The following CWF19L1 variants were observed in gnomAD, a reference collection of about 807,000 sequenced individuals.
The protein encoded by CWF19L1 is CWF19-like protein 1.
CWF19L1 carries 60 observed loss-of-function variants against 69.7 expected under a neutral mutation model. That is an observed-to-expected ratio of 0.86 (90% CI 0.70 to 1.07). The LOEUF (loss-of-function observed/expected upper bound fraction) is 1.07, where lower values mean the gene tolerates loss of function less well. Among genes scored for constraint, CWF19L1 ranks in the 50% least tolerant of loss-of-function variants. CWF19L1 has a pLI of 0.00. For synonymous variants in CWF19L1, 209 were observed against 222.2 expected (o/e 0.94, Z 0.53); for missense variants, 591 against 638.9 (o/e 0.92, Z 0.81).
chr10:100,258,867 A>T (rs1273084320), intron 4 of CWF19L1, among the ~76,000 whole-genome samples: 1 of 150,994 alleles, frequency 6.6e-6, no homozygotes, highest in Non-Finnish European at 1.5e-5. Context: ...GAGAAATAAG[A>T]CCAACAAGGA....
rs748553229 is a variant in CWF19L1, at chr10:100,238,190, A to T, written c.1086T>A (p.His362Gln). ...ALAKGGLSDD[H>Q]VLILPIGHYQ... ...AGTGTCCAATAGGCAGGATGAGGAC[A>T]TGGTCATCAGATAAGCCTCCTTTGG... Residue 362 changes from histidine to glutamine, a missense_variant, in exon 11 of 14, where the codon CAT becomes CAA. His to Gln is a conservative substitution (Grantham distance 24, BLOSUM62 0). Around this residue, in one of 3 missense-constraint regions of CWF19L1, gnomAD observed 458 missense variants for 489.3 expected, o/e 0.94. Coordinates refer to ENST00000354105, the MANE Select transcript of CWF19L1 (RefSeq NM_018294.6). 2 of 1,614,086 alleles carry T rather than the reference A, an allele frequency of 1.2e-6. No individual in the cohort carries two copies. The highest frequency in any genetic ancestry group is 2.7e-5 in the African/African-American group (2 of 74,932).
At chr10:100,260,938 A>G (rs767964323) in intron 3 of CWF19L1, 28 bp downstream of exon 3, 2 of 1,400,378 alleles carry the variant, frequency 1.4e-6, no homozygotes, top group Non-Finnish European at 9.9e-7. Flanking sequence ...ATTAGAAATC[A>G]TATGTTAAAT....
At chr10:100,242,351 A>C (rs34997499) in intron 10 of CWF19L1, among the ~76,000 whole-genome samples, 4,420 of 152,306 alleles carry the variant, frequency 0.029, 100 homozygotes, top group Non-Finnish European at 0.044. Flanking sequence ...GTTAGTGTGA[A>C]TCAGCTTCCA....
chr10:100,245,728 C>T, intron 9 of CWF19L1, 71 bp downstream of exon 9: 2 of 1,152,192 alleles, frequency 1.7e-6, no homozygotes, highest in Non-Finnish European at 2.6e-6. Context: ...CTTAGCAATG[C>T]TGCTTTCCAA....
chr10:100,260,845 T>A (rs1847376691), intron 3 of CWF19L1, 121 bp downstream of exon 3: 1 of 701,914 alleles, frequency 1.4e-6, no homozygotes, highest in Non-Finnish European at 2.4e-6. Flanking sequence ...AAAAGCAACT[T>A]AAATTCTTAA....
intron 1 of CWF19L1, among the ~76,000 whole-genome samples, chr10:100,265,131 A>C (rs1414822278): frequency 6.6e-6 from 1 of 152,006 alleles, no homozygotes; most frequent in Non-Finnish European, 1.5e-5. Context: ...AAAAAAAAAA[A>C]AGTTTAAAAG....
intron 10 of CWF19L1, among the ~76,000 whole-genome samples, chr10:100,239,964 C>T (rs193191065): frequency 3.3e-5 from 5 of 152,252 alleles, no homozygotes; most frequent in Admixed American, 1.3e-4. Context: ...CTATTTTTGT[C>T]AGAAGGTCAC....
At chr10:100,238,328 G>A (rs1268493401) in intron 10 of CWF19L1, 97 bp from the exon 11 acceptor site, 18 of 1,020,586 alleles carry the variant, frequency 1.8e-5, no homozygotes, top group Non-Finnish European at 2.2e-5. Context: ...GGGTGTAGGC[G>A]AAAAGTACTT....
chr10:100,238,460 G>T (rs963217792), intron 10 of CWF19L1, among the ~76,000 whole-genome samples: 1 of 152,230 alleles, frequency 6.6e-6, no homozygotes, highest in Admixed American at 6.5e-5. Flanking sequence ...AGTAGCAAAT[G>T]AACTAGGAGC....
At chr10:100,234,115 G>A (rs1846357157) in intron 13 of CWF19L1, 1 of 151,972 alleles carries the variant, frequency 6.6e-6, no homozygotes, top group African/African-American at 2.4e-5. Flanking sequence ...TGATATATTA[G>A]AAATAATTCT....
At chr10:100,246,741 C>G in intron 8 of CWF19L1, 54 bp downstream of exon 8, 1 of 1,533,008 alleles carries the variant, frequency 6.5e-7, no homozygotes, top group Non-Finnish European at 8.9e-7. Flanking sequence ...ATGTACTAAA[C>G]TATAACTAGG....
chr10:100,267,524 A>T, intron 1 of CWF19L1, 47 bp downstream of exon 1: 1 of 1,614,064 alleles, frequency 6.2e-7, no homozygotes, highest in Non-Finnish European at 8.5e-7. Flanking sequence ...TCACCTACAC[A>T]CACGAAAGAG....
intron 1 of CWF19L1, among the ~76,000 whole-genome samples, chr10:100,263,950 C>A (rs144713613): frequency 6.6e-6 from 1 of 152,152 alleles, no homozygotes; most frequent in African/African-American, 2.4e-5. Context: ...ATTTCAATAA[C>A]CTTTTTAGGT....
chr10:100,261,401 T>C (rs1430073897), intron 2 of CWF19L1, among the ~76,000 whole-genome samples: 2 of 152,176 alleles, frequency 1.3e-5, no homozygotes, highest in Non-Finnish European at 2.9e-5. Flanking sequence ...CACATAGAAA[T>C]AGATCTTTAA....
rs201921090 is a variant in CWF19L1 at position 100,260,194 on chromosome 10, A to G, written c.289+24T>C. 14 of 1,503,496 alleles carry G rather than the reference A, an allele frequency of 9.3e-6. No individual in the cohort carries two copies. In the East Asian group the frequency reaches 3.2e-4, roughly 34 times the overall value. The allele number at this position is 1,503,496 out of a possible 1,614,324, so 93.1% of individuals were successfully genotyped here. On this transcript the variant is annotated intron_variant, in intron 4 of 13. Transcript: ENST00000354105. ...AAAACAAAAAACAAAAAACAAAAAAAAAATACAACAAGTATCAGCTTACCC... is the reference window on the plus strand; with the variant it reads ...AAAACAAAAAACAAAAAACAAAAAAGAAATACAACAAGTATCAGCTTACCC...
At chr10:100,251,578 C>A (rs943360943) in intron 6 of CWF19L1, among the ~76,000 whole-genome samples, 8 of 131,610 alleles carry the variant, frequency 6.1e-5, no homozygotes, top group African/African-American at 1.8e-4. Flanking sequence ...GTGGCGCGAT[C>A]TCTGCTCACT....
chr10:100,245,032 T>A (rs1846766333), intron 9 of CWF19L1, among the ~76,000 whole-genome samples: 1 of 151,616 alleles, frequency 6.6e-6, no homozygotes, highest in African/African-American at 2.4e-5. Context: ...CAACTTTTTT[T>A]TTTTTTTTGA....
intron 10 of CWF19L1, among the ~76,000 whole-genome samples, chr10:100,242,985 T>A (rs1268173154): frequency 6.6e-6 from 1 of 152,178 alleles, no homozygotes; most frequent in Non-Finnish European, 1.5e-5. Flanking sequence ...GACAGGGATG[T>A]GGAAAAGCAG....
intron 1 of CWF19L1, among the ~76,000 whole-genome samples, chr10:100,265,791 G>C (rs1364044917): frequency 2.6e-5 from 4 of 152,146 alleles, no homozygotes; most frequent in South Asian, 2.1e-4. Context: ...AAAGTGTTGG[G>C]ATTACAGGCA....
Sources: allele counts gnomAD v4.1 joint callset (sites outside exome capture counted in the v4.1 genomes callset), GRCh38; gene constraint gnomAD v4.1.1; regional missense constraint gnomAD v4.1.1; transcripts MANE v1.5; gene names NCBI Gene and HGNC (gene_info 2026-07-23, HGNC 2026-07-21).